The following PDZD2 variants were observed in gnomAD, a reference collection of about 807,000 sequenced individuals.
PDZD2 encodes PDZ domain containing 2.
In PDZD2, 90 loss-of-function variants were observed where a neutral mutation model predicts 220.7. The observed-to-expected ratio is 0.41, with a 90% CI of 0.34 to 0.49. The LOEUF (loss-of-function observed/expected upper bound fraction) is 0.49. PDZD2 is among the 20% of genes least tolerant of loss of function. The pLI, the probability that PDZD2 is intolerant of heterozygous loss-of-function variation, is 0.28. For synonymous variants in PDZD2, 1,375 were observed against 1,450.5 expected, an observed-to-expected ratio of 0.95 and a Z score of 1.18; for missense variants, 3,174 against 3,608.5, an observed-to-expected ratio of 0.88 and a Z score of 3.08.
At chr5:31,967,434 G>A (rs1311641601) in intron 2 of PDZD2, among the ~76,000 whole-genome samples, 1 of 152,190 alleles carries the variant, frequency 6.6e-6, no homozygotes, top group Non-Finnish European at 1.5e-5. Context: ...GGCTGGTTTG[G>A]AGAAAGTCAG....
At chr5:31,702,884 A>G (rs1747663283) in intron 1 of PDZD2, among the ~76,000 whole-genome samples, 1 of 152,220 alleles carries the variant, frequency 6.6e-6, no homozygotes, top group Non-Finnish European at 1.5e-5. Flanking sequence ...ATGCCTTGTT[A>G]AAAATACTGC....
At chr5:31,911,035 A>G (rs1283394251) in intron 2 of PDZD2, among the ~76,000 whole-genome samples, 2 of 152,230 alleles carry the variant, frequency 1.3e-5, no homozygotes, top group African/African-American at 4.8e-5. Context: ...TGTCATCCAA[A>G]TTAATATAAT....
intron 1 of PDZD2, among the ~76,000 whole-genome samples, chr5:31,641,300 G>A (rs947594413): frequency 2.0e-5 from 3 of 152,188 alleles, no homozygotes; most frequent in African/African-American, 7.2e-5. Flanking sequence ...AAGGAGTGAA[G>A]AGATAATTAA....
chr5:32,022,364 A>AT (rs59655326), intron 6 of PDZD2, among the ~76,000 whole-genome samples: 77,082 of 137,168 alleles, frequency 0.56, 21,783 homozygotes, highest in Non-Finnish European at 0.63. Context: ...CTCACAGCTA[A>AT]TTTTTTTTTT....
At chr5:31,940,982 G>A (rs1420190981) in intron 2 of PDZD2, among the ~76,000 whole-genome samples, 1 of 152,110 alleles carries the variant, frequency 6.6e-6, no homozygotes, top group African/African-American at 2.4e-5. Flanking sequence ...TGGTTCTGCA[G>A]TGAACAATTT....
Position 32,028,871 on chromosome 5 carries a change from C to T in PDZD2, c.1408-8360C>T, listed in dbSNP as rs564253072. Among the ~76,000 whole-genome samples the T allele has an allele frequency of 3.1e-3, 474 of 152,004 alleles. 2 individuals carry two copies. Among genetic ancestry groups the T allele is most frequent in the African/African-American group, 0.011 (437 of 41,484 alleles). On this transcript the variant is annotated intron_variant, in intron 6 of 24. Coordinates refer to ENST00000438447, the MANE Select transcript of PDZD2 (RefSeq NM_178140.4). ...CTAATTTTTGTATTTTTAGTAGAGA[C>T]GGGGTTTCACCAGGTTGGCCAGGCT...
intron 2 of PDZD2, among the ~76,000 whole-genome samples, chr5:31,850,037 CGTATATATATATACGTGTATATATAA>C (rs1757911370): frequency 3.7e-5 from 2 of 54,078 alleles, no homozygotes; most frequent in Non-Finnish European, 6.2e-5. Flanking sequence ...CATATATACA[CGTATATATATATACGTGTATATATAA>C]GTATATATAT....
At chr5:31,773,324 G>C (rs764838337) in intron 1 of PDZD2, among the ~76,000 whole-genome samples, 1 of 152,056 alleles carries the variant, frequency 6.6e-6, no homozygotes, top group Non-Finnish European at 1.5e-5. Context: ...AGAAATTTGG[G>C]GTCTTATGAT....
intron 1 of PDZD2, chr5:31,747,690 G>A (rs1321463825): frequency 1.3e-5 from 2 of 152,258 alleles, no homozygotes; most frequent in Admixed American, 6.5e-5. Context: ...CCGCCTGGTG[G>A]CAGAACCATC....
intron 24 of PDZD2, among the ~76,000 whole-genome samples, chr5:32,104,716 TAAAAAAAAAAAAAAAA>T (rs755177769): frequency 6.0e-4 from 18 of 30,098 alleles, no homozygotes; most frequent in Admixed American, 2.0e-3. Flanking sequence ...AGGCTCCATC[TAAAAAAAAAAAAAAAA>T]AAAAAAAAAA....
intron 1 of PDZD2, among the ~76,000 whole-genome samples, chr5:31,711,283 G>T (rs1372650496): frequency 6.6e-6 from 1 of 152,230 alleles, no homozygotes; most frequent in Non-Finnish European, 1.5e-5. Context: ...GAGGGTCCAT[G>T]TGCACACTAC....
At chr5:32,007,831 C>G (rs1463778337) in intron 5 of PDZD2, among the ~76,000 whole-genome samples, 1 of 152,182 alleles carries the variant, frequency 6.6e-6, no homozygotes, top group Non-Finnish European at 1.5e-5. Flanking sequence ...GGCCCCTGGC[C>G]CTCATGTGCT....
At chr5:31,795,263 C>A (rs1020632097) in intron 1 of PDZD2, among the ~76,000 whole-genome samples, 1 of 152,086 alleles carries the variant, frequency 6.6e-6, no homozygotes. Flanking sequence ...TAATTTTCAC[C>A]CCCTTGTGAG....
intron 1 of PDZD2, among the ~76,000 whole-genome samples, chr5:31,642,425 G>A (rs1229572525): frequency 3.3e-5 from 5 of 152,190 alleles, no homozygotes; most frequent in African/African-American, 9.7e-5. Context: ...GATAGGAAAA[G>A]GCCACTGATA....
At position 32,087,922 on chromosome 5, in the gene PDZD2, C is replaced by T. The variant is rs200536368; in HGVS notation, c.4474C>T (p.Pro1492Ser). Residue 1492 changes from proline (P) to serine (S), a missense_variant, in exon 20 of 25, where the codon CCC becomes TCC. Physicochemically the swap from Pro to Ser is moderately conservative, Grantham distance 74. This residue lies in a region of PDZD2 where 1,861 missense variants were observed against 2,001.0 expected (regional missense o/e 0.93). Transcript: ENST00000438447. The surrounding 1 kb of genome is among the most constrained non-coding windows in gnomAD (Gnocchi z 4.0). ...GAGGAGGGCCTGGGCTGCTGGTGCC[C>T]CCGCCTACCCACAATGGGCCTCCCA... ...SPRRAWAAGAPAYPQWASQPS... is the reference protein window; with the variant it reads ...SPRRAWAAGASAYPQWASQPS... The T allele has an allele frequency of 2.5e-6, 4 of 1,613,828 alleles. No individual in the cohort carries two copies. In the East Asian group the frequency reaches 8.9e-5, roughly 36 times the overall value.
chr5:31,896,120 A>G (rs945708755), intron 2 of PDZD2, among the ~76,000 whole-genome samples: 34 of 152,112 alleles, frequency 2.2e-4, no homozygotes, highest in African/African-American at 7.5e-4. Flanking sequence ...CCATTGGACC[A>G]TGCTTGCACG....
Position 31,794,975 on chromosome 5 carries a change from G to C in PDZD2, c.-360-3914G>C, listed in dbSNP as rs549071271. ...TAAGGCAAGGTCTAGATAAACCAGA[G>C]GATCCTTTTATACCCCCAGCCACGT... On this transcript the variant is annotated intron_variant, in intron 1 of 24. Coordinates refer to ENST00000438447, the MANE Select transcript of PDZD2 (RefSeq NM_178140.4). Among the ~76,000 whole-genome samples the C allele has an allele frequency of 9.3e-4, 141 of 152,106 alleles. 1 individual carries two copies. The highest frequency in any genetic ancestry group is 1.7e-3 in the Non-Finnish European group (117 of 68,020).
At chr5:32,022,204 T>TG (rs1177833217) in intron 6 of PDZD2, among the ~76,000 whole-genome samples, 1 of 150,512 alleles carries the variant, frequency 6.6e-6, no homozygotes, top group Non-Finnish European at 1.5e-5. Flanking sequence ...TTTTTTGTTT[T>TG]TTTTTGGAGT....
chr5:32,067,262 T>C (rs950562809), intron 14 of PDZD2, among the ~76,000 whole-genome samples: 7 of 152,236 alleles, frequency 4.6e-5, no homozygotes, highest in African/African-American at 1.7e-4. Flanking sequence ...CTTGCTGGGA[T>C]AGCAGCTTCT....
Sources: allele counts gnomAD v4.1 joint callset (sites outside exome capture counted in the v4.1 genomes callset), GRCh38; gene constraint gnomAD v4.1.1; regional missense constraint gnomAD v4.1.1; non-coding constraint Gnocchi (gnomAD v3.1); transcripts MANE v1.5; gene names NCBI Gene and HGNC (gene_info 2026-07-23, HGNC 2026-07-21).